Variants in KCNIP4 observed in about 807,000 individuals in gnomAD.
KCNIP4 encodes the protein Kv channel-interacting protein 4.
Under a neutral mutation model 34.0 loss-of-function variants are expected in KCNIP4, and 12 were observed. That is an observed-to-expected ratio of 0.35 (90% confidence interval 0.23 to 0.57). The LOEUF (loss-of-function observed/expected upper bound fraction) is 0.57, where lower values mean the gene tolerates loss of function less well. Ranked by LOEUF, KCNIP4 falls within the 20% of genes least tolerant of loss-of-function variation. The pLI, the probability that KCNIP4 is intolerant of heterozygous loss-of-function variation, is 0.83. For synonymous variants in KCNIP4, 124 were observed against 102.2 expected, an observed-to-expected ratio of 1.21 and a Z score of -1.29; for missense variants, 238 against 311.7, an observed-to-expected ratio of 0.76 and a Z score of 1.78.
chr4:21,940,534 T>G (rs1279209856), intron 1 of KCNIP4, among the ~76,000 whole-genome samples: 2 of 152,212 alleles, frequency 1.3e-5, no homozygotes, highest in Non-Finnish European at 1.5e-5. Flanking sequence ...GGATAAACAG[T>G]AAGCTCTTTA....
At chr4:21,353,798 C>T (rs1468034299) in intron 1 of KCNIP4, among the ~76,000 whole-genome samples, 4 of 152,128 alleles carry the variant, frequency 2.6e-5, no homozygotes, top group African/African-American at 7.2e-5. Context: ...ATACAGAGAA[C>T]ACCACAAAGA....
intron 1 of KCNIP4, among the ~76,000 whole-genome samples, chr4:21,236,426 T>C (rs550087286): frequency 6.6e-6 from 1 of 152,256 alleles, no homozygotes; most frequent in South Asian, 2.1e-4. Context: ...CACTAAAACA[T>C]ATTACAACCA....
At chr4:21,071,629 T>G (rs1412832979) in intron 1 of KCNIP4, among the ~76,000 whole-genome samples, 1 of 152,164 alleles carries the variant, frequency 6.6e-6, no homozygotes, top group Non-Finnish European at 1.5e-5. Context: ...GGGATTTTAT[T>G]TATTTTTTTA....
chr4:21,514,224 T>G (rs1734569813), intron 1 of KCNIP4, among the ~76,000 whole-genome samples: 1 of 152,190 alleles, frequency 6.6e-6, no homozygotes, highest in South Asian at 2.1e-4. Flanking sequence ...TTTGGGTAAT[T>G]TGCATGAGCT....
intron 1 of KCNIP4, among the ~76,000 whole-genome samples, chr4:21,835,848 T>G (rs1471885578): frequency 6.6e-6 from 1 of 151,880 alleles, no homozygotes; most frequent in Admixed American, 6.6e-5. Context: ...AGTTTAACAC[T>G]GAAAATGAAT....
chr4:21,027,487 A>G (rs1740655973), intron 1 of KCNIP4, among the ~76,000 whole-genome samples: 1 of 151,868 alleles, frequency 6.6e-6, no homozygotes, highest in African/African-American at 2.4e-5. Context: ...GAGGCCACAG[A>G]AGCTCTTCTT....
chr4:20,766,183 G>GA, intron 3 of KCNIP4, among the ~76,000 whole-genome samples: 1 of 152,214 alleles, frequency 6.6e-6, no homozygotes, highest in Non-Finnish European at 1.5e-5. Context: ...ACAAATGAAT[G>GA]AACTGTCTTA....
chr4:21,685,217 T>C (rs1305397128), intron 1 of KCNIP4, among the ~76,000 whole-genome samples: 4 of 152,184 alleles, frequency 2.6e-5, no homozygotes, highest in Non-Finnish European at 1.5e-5. Context: ...TTGCATAATG[T>C]TTTACATAAT....
chr4:21,246,514 G>A (rs1760214380), intron 1 of KCNIP4, among the ~76,000 whole-genome samples: 1 of 152,168 alleles, frequency 6.6e-6, no homozygotes, highest in African/African-American at 2.4e-5. Flanking sequence ...AATCACTGAA[G>A]AACCATTATC....
intron 1 of KCNIP4, among the ~76,000 whole-genome samples, chr4:20,995,725 C>A (rs1001078664): frequency 2.0e-5 from 3 of 152,204 alleles, no homozygotes; most frequent in African/African-American, 7.2e-5. Context: ...GCTCAGTAAT[C>A]TCTTCTTTAT....
chr4:20,846,309 T>C (rs564510725), intron 3 of KCNIP4, among the ~76,000 whole-genome samples: 2 of 152,288 alleles, frequency 1.3e-5, no homozygotes, highest in East Asian at 3.9e-4. Flanking sequence ...CTAGGTTATA[T>C]ATTATTAATT....
intron 3 of KCNIP4, among the ~76,000 whole-genome samples, chr4:20,832,260 A>G (rs1718518808): frequency 6.6e-6 from 1 of 152,178 alleles, no homozygotes; most frequent in African/African-American, 2.4e-5. Context: ...GCAGAGTATG[A>G]TTTCGAAAAG....
chr4:21,461,812 G>T (rs946507647), intron 1 of KCNIP4, among the ~76,000 whole-genome samples: 4 of 151,872 alleles, frequency 2.6e-5, no homozygotes, highest in Admixed American at 2.6e-4. Flanking sequence ...AGAGTCCCCA[G>T]ATTCCTCTCC....
intron 1 of KCNIP4, among the ~76,000 whole-genome samples, chr4:21,720,474 C>T (rs1219667199): frequency 1.3e-5 from 2 of 151,040 alleles, no homozygotes; most frequent in African/African-American, 4.9e-5. Context: ...ATTTGTTTTA[C>T]AGTAAAAGAG....
chr4:21,760,989 C>T (rs1422813067), intron 1 of KCNIP4, among the ~76,000 whole-genome samples: 1 of 152,102 alleles, frequency 6.6e-6, no homozygotes, highest in East Asian at 1.9e-4. Flanking sequence ...TGAGAAAGAA[C>T]TTATAAATCT....
chr4:21,584,389 A>C (rs1048468651), intron 1 of KCNIP4, among the ~76,000 whole-genome samples: 1 of 152,072 alleles, frequency 6.6e-6, no homozygotes, highest in Non-Finnish European at 1.5e-5. Flanking sequence ...AATTTACCAA[A>C]ATTATTTTAG....
rs1296647957 is a variant in KCNIP4, at chr4:21,489,314, T to A, written c.61+459257A>T. Among the ~76,000 whole-genome samples the A allele has an allele frequency of 2.5e-3, 236 of 93,152 alleles. 2 individuals are homozygous for A. Among genetic ancestry groups the A allele is most frequent in the African/African-American group, 0.01 (218 of 21,692 alleles). The allele number at this position is 93,152 out of a possible 152,430, so 61.1% of individuals were successfully genotyped here. A position where few individuals can be genotyped will look rare whatever the true frequency, so the allele number is the denominator to read the frequency against. On this transcript the variant is annotated intron_variant, in intron 1 of 8. Transcript: ENST00000382152. ...CACATAAACACTCAGTTTATGAACA[T>A]AGAGTTGAAAAAAAAAAAAAAAAAC...
intron 1 of KCNIP4, among the ~76,000 whole-genome samples, chr4:21,218,185 T>C (rs1392671120): frequency 6.6e-6 from 1 of 151,738 alleles, no homozygotes; most frequent in African/African-American, 2.4e-5. Context: ...CTGGCTAATT[T>C]TGTATTTTTA....
At chr4:20,914,848 A>G (rs574417345) in intron 1 of KCNIP4, among the ~76,000 whole-genome samples, 7 of 152,362 alleles carry the variant, frequency 4.6e-5, no homozygotes, top group Admixed American at 3.3e-4. Context: ...GAATGTTGCA[A>G]TCTGCTTCTT....
Sources: gnomAD v4.1 joint callset for allele counts (sites outside exome capture counted in the v4.1 genomes callset) on GRCh38, gnomAD v4.1.1 for gene constraint, MANE v1.5 for transcripts, NCBI Gene and HGNC (gene_info 2026-07-23, HGNC 2026-07-21) for gene names.